Variants in RAB3C observed in about 807,000 individuals in gnomAD.
RAB3C encodes ras-related protein Rab-3C.
RAB3C carries 17 observed loss-of-function variants against 26.4 expected under a neutral mutation model. The ratio of observed to expected loss-of-function variants is 0.64; its 90% CI spans 0.44 to 0.97. RAB3C has a LOEUF of 0.97. Among genes scored for constraint, RAB3C ranks in the 50% least tolerant of loss-of-function variants. The probability of loss-of-function intolerance (pLI) is 0.00; values close to 1 mark genes in which losing one functional copy is unlikely to be tolerated. For missense variants in RAB3C, 242 were observed against 281.9 expected, an observed-to-expected ratio of 0.86 and a Z score of 1.01; for synonymous variants, 91 against 95.9, an observed-to-expected ratio of 0.95 and a Z score of 0.30.
intron 2 of RAB3C, among the ~76,000 whole-genome samples, chr5:58,675,328 C>T (rs1230498970): frequency 6.6e-6 from 1 of 152,136 alleles, no homozygotes; most frequent in Non-Finnish European, 1.5e-5. Context: ...TCACCTCTAT[C>T]AATTCTTCCT....
chr5:58,606,068 C>T (rs35644055), intron 1 of RAB3C, among the ~76,000 whole-genome samples: 21,553 of 152,110 alleles, frequency 0.14, 1,678 homozygotes, highest in Middle Eastern at 0.19. Flanking sequence ...GTGCAGCCCA[C>T]GGAGGGTGAG....
intron 1 of RAB3C, among the ~76,000 whole-genome samples, chr5:58,584,569 T>G (rs1381514173): frequency 6.6e-6 from 1 of 152,200 alleles, no homozygotes; most frequent in African/African-American, 2.4e-5. Context: ...TTTCTATTAC[T>G]GGAGATACTA....
chr5:58,859,278 T>A lies in RAB3C; in HGVS notation c.*7927T>A, dbSNP rs896622188. 5.2e-5 allele frequency: 8 copies of A among 152,382 alleles called. No individual in the cohort carries two copies. The East Asian group carries it at 5.8e-4, about 11-fold the overall frequency. 9.4% of individuals were successfully genotyped at this position (152,382 alleles called of 1,614,324 possible). ...AAATTAATTGTGTAAAAATGGTATG[T>A]GCTCTATTAGGTATTCAGTTTGTAT... On this transcript the variant is annotated 3_prime_UTR_variant, in exon 5 of 5. Coordinates refer to ENST00000282878, the MANE Select transcript of RAB3C (RefSeq NM_138453.4).
rs1049329768 is a variant in RAB3C, at chr5:58,658,289, A to C, written c.252+40419A>C. On this transcript the variant is annotated intron_variant, in intron 2 of 4. Coordinates refer to ENST00000282878, the MANE Select transcript of RAB3C (RefSeq NM_138453.4). The stretch of plus-strand genomic sequence containing the variant: ...TAAAGAAGTGGGAAATTTGGGATTT[A>C]AACCCAGTCCTGCTTCCGTATTCAC... 2.4e-4 allele frequency among the ~76,000 whole-genome samples: 36 copies of C among 152,338 alleles called. 1 individual carries two copies. Among genetic ancestry groups the C allele is most frequent in the African/African-American group, 8.2e-4 (34 of 41,586 alleles).
At chr5:58,611,226 G>A (rs1746693890) in intron 1 of RAB3C, among the ~76,000 whole-genome samples, 1 of 152,098 alleles carries the variant, frequency 6.6e-6, no homozygotes, top group Admixed American at 6.6e-5. Context: ...AACAATGTCT[G>A]GTCCTTTGGG....
At chr5:58,658,691 T>C (rs1250507990) in intron 2 of RAB3C, among the ~76,000 whole-genome samples, 2 of 152,120 alleles carry the variant, frequency 1.3e-5, no homozygotes, top group Non-Finnish European at 2.9e-5. Context: ...CCTGATTAGA[T>C]TCTCTAATCA....
At chr5:58,643,287 C>T (rs1163833767) in intron 2 of RAB3C, among the ~76,000 whole-genome samples, 4 of 152,154 alleles carry the variant, frequency 2.6e-5, no homozygotes, top group Non-Finnish European at 2.9e-5. Context: ...GCTGAAAGAA[C>T]ATTGTCCTTT....
intron 3 of RAB3C, among the ~76,000 whole-genome samples, chr5:58,761,405 TA>T (rs1337628599): frequency 6.6e-6 from 1 of 152,178 alleles, no homozygotes; most frequent in African/African-American, 2.4e-5. Context: ...ATCCCACAAA[TA>T]TTTTTTAAAT....
At chr5:58,620,289 G>A (rs1051885536) in intron 2 of RAB3C, among the ~76,000 whole-genome samples, 1 of 151,844 alleles carries the variant, frequency 6.6e-6, no homozygotes, top group East Asian at 1.9e-4. Flanking sequence ...TCCTCTTTAG[G>A]TACATTAGGA....
At chr5:58,816,053 AG>A (rs1373589616) in intron 3 of RAB3C, among the ~76,000 whole-genome samples, 5 of 152,216 alleles carry the variant, frequency 3.3e-5, no homozygotes, top group African/African-American at 1.2e-4. Context: ...CTTTGAAAAA[AG>A]GATGAAATTA....
chr5:58,647,610 C>A (rs1747549662), intron 2 of RAB3C: 1 of 152,184 alleles, frequency 6.6e-6, no homozygotes, highest in Admixed American at 6.5e-5. Context: ...TAATCATTTT[C>A]TCTCTCCAAA....
At chr5:58,697,098 G>GCA (rs1748717365) in intron 2 of RAB3C, among the ~76,000 whole-genome samples, 1 of 152,132 alleles carries the variant, frequency 6.6e-6, no homozygotes, top group African/African-American at 2.4e-5. Flanking sequence ...CTTTAAACGT[G>GCA]TCCCAGAGGT....
intron 2 of RAB3C, among the ~76,000 whole-genome samples, chr5:58,700,013 G>T (rs1288900922): frequency 6.6e-6 from 1 of 152,190 alleles, no homozygotes; most frequent in Non-Finnish European, 1.5e-5. Flanking sequence ...AGGCACCTCA[G>T]TTGGAAATGC....
chr5:58,672,588 C>T (rs1437450303), intron 2 of RAB3C, among the ~76,000 whole-genome samples: 2 of 152,056 alleles, frequency 1.3e-5, no homozygotes, highest in Non-Finnish European at 2.9e-5. Context: ...ATTCATGCCT[C>T]TTATTGAAGG....
chr5:58,764,814 C>T (rs913169138), intron 3 of RAB3C, among the ~76,000 whole-genome samples: 3 of 152,140 alleles, frequency 2.0e-5, no homozygotes, highest in Non-Finnish European at 4.4e-5. Flanking sequence ...TGTATACTTT[C>T]ACGAAGAACT....
chr5:58,840,213 C>G (rs1743848385), intron 4 of RAB3C, among the ~76,000 whole-genome samples: 1 of 151,518 alleles, frequency 6.6e-6, no homozygotes, highest in African/African-American at 2.4e-5. Flanking sequence ...GCCCTGTCTT[C>G]AACTTCAGAA....
chr5:58,811,544 C>G (rs115938609), intron 3 of RAB3C, among the ~76,000 whole-genome samples: 233 of 152,214 alleles, frequency 1.5e-3, no homozygotes, highest in African/African-American at 5.5e-3. Flanking sequence ...AACCCAAGGC[C>G]TAGGAAAGGG....
chr5:58,664,277 T>C (rs1747960789), intron 2 of RAB3C, among the ~76,000 whole-genome samples: 1 of 152,140 alleles, frequency 6.6e-6, no homozygotes, highest in Non-Finnish European at 1.5e-5. Context: ...TACTATCGAA[T>C]ACAACTGAGC....
chr5:58,809,680 G>T (rs1176892013), intron 3 of RAB3C, among the ~76,000 whole-genome samples: 2 of 151,984 alleles, frequency 1.3e-5, no homozygotes, highest in Admixed American at 6.6e-5. Flanking sequence ...CGGTCATGTG[G>T]GTGCCCCCCT....
Sources: allele counts gnomAD v4.1 joint callset (sites outside exome capture counted in the v4.1 genomes callset), GRCh38; gene constraint gnomAD v4.1.1; transcripts MANE v1.5; gene names NCBI Gene and HGNC (gene_info 2026-07-23, HGNC 2026-07-21).